The following UBAC2 variants were observed in gnomAD, a reference collection of about 807,000 sequenced individuals.
UBAC2 encodes the protein ubiquitin-associated domain-containing protein 2.
In UBAC2, 26 loss-of-function variants were observed where a neutral mutation model predicts 44.0. That is an observed-to-expected ratio of 0.59 (90% CI 0.43 to 0.82). UBAC2 has a LOEUF of 0.82. Among genes scored for constraint, UBAC2 ranks in the 40% least tolerant of loss-of-function variants. The probability of loss-of-function intolerance (pLI) is 0.00; values close to 1 mark genes in which losing one functional copy is unlikely to be tolerated. For missense variants in UBAC2, 329 were observed against 419.4 expected (o/e 0.78, Z 1.88); for synonymous variants, 155 against 154.3 (o/e 1.00, Z -0.04).
At chr13:99,322,893 C>T (rs956379382) in intron 6 of UBAC2, among the ~76,000 whole-genome samples, 9 of 152,120 alleles carry the variant, frequency 5.9e-5, no homozygotes, top group Admixed American at 1.3e-4. Flanking sequence ...AGCGCATTTG[C>T]GGGCTGTGAT....
intron 4 of UBAC2, among the ~76,000 whole-genome samples, chr13:99,244,959 A>G (rs1446216805): frequency 1.3e-5 from 2 of 151,974 alleles, no homozygotes; most frequent in African/African-American, 2.4e-5. Context: ...CAGCCTCCCA[A>G]GTAGCTGGGA....
intron 7 of UBAC2, among the ~76,000 whole-genome samples, chr13:99,355,410 T>G (rs1242696293): frequency 1.3e-5 from 2 of 152,170 alleles, no homozygotes; most frequent in Non-Finnish European, 2.9e-5. Flanking sequence ...CAGCGTTCAG[T>G]GCTTACAGGT....
chr13:99,351,550 C>T (rs1184693460), intron 7 of UBAC2: 11 of 456,572 alleles, frequency 2.4e-5, no homozygotes, highest in African/African-American at 4.0e-5. Flanking sequence ...AACCTTTTAC[C>T]TGGAAATGTG....
intron 1 of UBAC2, among the ~76,000 whole-genome samples, chr13:99,237,825 C>T (rs1461967673): frequency 6.6e-6 from 1 of 151,988 alleles, no homozygotes; most frequent in Non-Finnish European, 1.5e-5. Context: ...CATGGTGGCA[C>T]GTGCCTGTAA....
At chr13:99,242,961 G>T (rs1164734621) in intron 2 of UBAC2, among the ~76,000 whole-genome samples, 1 of 150,810 alleles carries the variant, frequency 6.6e-6, no homozygotes, top group Non-Finnish European at 1.5e-5. Flanking sequence ...ATGGCGGCCG[G>T]GAAGAGGCGC....
At chr13:99,215,647 T>C in intron 1 of UBAC2, 1 of 1,365,824 alleles carries the variant, frequency 7.3e-7, no homozygotes, top group Non-Finnish European at 1.0e-6. Context: ...GTCCTAGATT[T>C]CAGGTGTTGA....
intron 4 of UBAC2, among the ~76,000 whole-genome samples, chr13:99,256,782 G>A (rs1163802838): frequency 1.3e-5 from 2 of 151,164 alleles, no homozygotes; most frequent in African/African-American, 4.9e-5. Context: ...TGACTCCTCA[G>A]TGTGAAACTT....
At position 99,268,630 on chromosome 13, in the gene UBAC2, A is replaced by AAAAAG. The variant is rs1566477989; in HGVS notation, c.389+24010_389+24014dup. On this transcript the variant is annotated intron_variant, in intron 4 of 8. Transcript: ENST00000403766. ...CTGTCTCAAAAAAAAAAAAAAAAAA[A>AAAAAG]AAAAGAAACACAAAAGGTAAAGAAG... Among the ~76,000 whole-genome samples the AAAAAG allele has an allele frequency of 1.3e-3, 178 of 140,754 alleles. 1 individual carries two copies. Among genetic ancestry groups the AAAAAG allele is most frequent in the Non-Finnish European group, 1.8e-3 (120 of 65,172 alleles). The allele number at this position is 140,754 out of a possible 152,430, so 92.3% of individuals were successfully genotyped here.
In UBAC2 at chr13:99,295,926, C is replaced by T. The variant is rs781261354; in HGVS notation, c.390-18171C>T. 3 of 1,613,670 alleles carry T rather than the reference C, an allele frequency of 1.9e-6. No homozygotes were observed. Among genetic ancestry groups the T allele is most frequent in the Admixed American group, 1.7e-5 (1 of 59,976 alleles). On this transcript the variant is annotated intron_variant, in intron 4 of 8. Transcript: ENST00000403766. This position sits in a 1 kb window ranked among gnomAD's most constrained non-coding sequence, Gnocchi z 4.1. ...GTGGTAAAAAGTATATCAGAAATCA[C>T]CAAATTTGTTGAATAGAGGGTGGTA...
intron 7 of UBAC2, among the ~76,000 whole-genome samples, chr13:99,361,292 G>A (rs531350949): frequency 3.9e-5 from 6 of 152,270 alleles, no homozygotes; most frequent in East Asian, 1.9e-4. Context: ...TTTTGAAGAA[G>A]ACAAAGTAAA....
chr13:99,201,435 A>G (rs749145977), intron 1 of UBAC2: 4 of 1,613,814 alleles, frequency 2.5e-6, no homozygotes, highest in Middle Eastern at 1.6e-4. Context: ...TCAGTCTCCA[A>G]GAAGAGTTTT....
intron 1 of UBAC2, among the ~76,000 whole-genome samples, chr13:99,221,561 G>C (rs549817617): frequency 7.3e-4 from 111 of 152,276 alleles, no homozygotes; most frequent in Non-Finnish European, 7.6e-4. Context: ...TATTTCTACA[G>C]AGTCCCATTT....
At chr13:99,244,449 T>C (rs2043357001) in intron 3 of UBAC2, 66 bp from the exon 4 acceptor site, 2 of 1,122,368 alleles carry the variant, frequency 1.8e-6, no homozygotes, top group Non-Finnish European at 2.7e-6. Flanking sequence ...TGATTCTAGC[T>C]GAATAAATGT....
chr13:99,274,198 C>T (rs1260277623), intron 4 of UBAC2, among the ~76,000 whole-genome samples: 1 of 152,098 alleles, frequency 6.6e-6, no homozygotes, highest in African/African-American at 2.4e-5. Flanking sequence ...GAGATGTGGA[C>T]TCTTCTGTAT....
chr13:99,274,637 T>C (rs747565086), intron 4 of UBAC2, among the ~76,000 whole-genome samples: 24 of 152,196 alleles, frequency 1.6e-4, no homozygotes, highest in Non-Finnish European at 3.2e-4. Context: ...ATAATACTGT[T>C]AATGTTAATG....
At chr13:99,344,947 C>T (rs2044951273) in intron 7 of UBAC2, among the ~76,000 whole-genome samples, 1 of 152,104 alleles carries the variant, frequency 6.6e-6, no homozygotes. Context: ...GATGAGCATC[C>T]AAGAAACAAG....
At chr13:99,323,588 T>C (rs530723883) in intron 6 of UBAC2, among the ~76,000 whole-genome samples, 3 of 152,330 alleles carry the variant, frequency 2.0e-5, no homozygotes, top group East Asian at 3.9e-4. Flanking sequence ...ATAATTAAAA[T>C]AGCAAGTGTG....
At chr13:99,227,888 G>A (rs1304751033) in intron 1 of UBAC2, among the ~76,000 whole-genome samples, 1 of 152,194 alleles carries the variant, frequency 6.6e-6, no homozygotes, top group African/African-American at 2.4e-5. Context: ...GTGTGAATTA[G>A]GGAGGTTTGA....
At chr13:99,372,979 G>T (rs574228081) in intron 8 of UBAC2, among the ~76,000 whole-genome samples, 6 of 152,118 alleles carry the variant, frequency 3.9e-5, no homozygotes, top group African/African-American at 1.2e-4. Context: ...AATTAGCCGG[G>T]CATGGTGACG....
Sources: gnomAD v4.1 joint callset for allele counts (sites outside exome capture counted in the v4.1 genomes callset) on GRCh38, gnomAD v4.1.1 for gene constraint, Gnocchi (gnomAD v3.1) non-coding constraint, MANE v1.5 for transcripts, NCBI Gene and HGNC (gene_info 2026-07-23, HGNC 2026-07-21) for gene names.